The following ADGRL3 variants were observed in gnomAD, a reference collection of about 807,000 sequenced individuals.
ADGRL3 encodes the protein adhesion G protein-coupled receptor L3, also known as calcium-independent alpha-latrotoxin receptor 3.
In ADGRL3, 62 loss-of-function variants were observed where a neutral mutation model predicts 153.5. The ratio of observed to expected loss-of-function variants is 0.40; its 90% confidence interval spans 0.33 to 0.50. ADGRL3 has a LOEUF of 0.50. ADGRL3 is among the 20% of genes least tolerant of loss of function. The pLI is 0.47. For synonymous variants in ADGRL3, 710 were observed against 672.5 expected (o/e 1.06, Z -0.86); for missense variants, 1,641 against 1,859.4 (o/e 0.88, Z 2.16).
Position 61,201,343 on chromosome 4 carries a change from G to C in ADGRL3, c.-662G>C, listed in dbSNP as rs2148671513. 2 of 152,902 alleles carry C rather than the reference G, an allele frequency of 1.3e-5. No homozygotes were observed. Among genetic ancestry groups the C allele is most frequent in the African/African-American group, 4.8e-5 (2 of 41,566 alleles). The allele number at this position is 152,902 out of a possible 1,614,324, so 9.5% of individuals were successfully genotyped here. On this transcript the variant is annotated 5_prime_UTR_variant, in exon 1 of 27. Coordinates refer to ENST00000683033, the MANE Select transcript of ADGRL3 (RefSeq NM_001387552.1). ...TGCCGCATGTTAATAGCTGCCGCTG[G>C]GTCCCTCGGCTGCTGCTGGAGACAG...
intron 6 of ADGRL3, among the ~76,000 whole-genome samples, chr4:61,693,218 T>C (rs1199608333): frequency 6.6e-6 from 1 of 152,136 alleles, no homozygotes; most frequent in Non-Finnish European, 1.5e-5. Flanking sequence ...TGCTATTCTC[T>C]TATGCTTTAA....
At chr4:61,725,964 T>C (rs1414503403) in intron 6 of ADGRL3, among the ~76,000 whole-genome samples, 1 of 151,520 alleles carries the variant, frequency 6.6e-6, no homozygotes, top group Non-Finnish European at 1.5e-5. Flanking sequence ...TGTTAATACT[T>C]CAATAATTAA....
chr4:61,281,639 G>A (rs538699466), intron 1 of ADGRL3, among the ~76,000 whole-genome samples: 9 of 152,080 alleles, frequency 5.9e-5, no homozygotes, highest in Admixed American at 1.3e-4. Context: ...ATGCCTTATC[G>A]CCATGAAGCA....
At chr4:61,429,382 T>A (rs371249225) in intron 2 of ADGRL3, among the ~76,000 whole-genome samples, 97 of 152,284 alleles carry the variant, frequency 6.4e-4, no homozygotes, top group African/African-American at 2.2e-3. Context: ...GGTGAAAGAA[T>A]CAGTCATACC....
intron 1 of ADGRL3, among the ~76,000 whole-genome samples, chr4:61,300,949 G>A (rs1248727988): frequency 6.6e-6 from 1 of 151,964 alleles, no homozygotes; most frequent in Non-Finnish European, 1.5e-5. Flanking sequence ...ATTTTTAGTA[G>A]AGACGGGGTT....
At chr4:61,377,627 G>A (rs953795575) in intron 1 of ADGRL3, among the ~76,000 whole-genome samples, 2 of 151,968 alleles carry the variant, frequency 1.3e-5, no homozygotes, top group Non-Finnish European at 2.9e-5. Flanking sequence ...TAATCAGTGA[G>A]ATTTTAAATA....
At chr4:61,326,598 A>AGTGTGTGTGT (rs2095470785) in intron 1 of ADGRL3, among the ~76,000 whole-genome samples, 2 of 133,304 alleles carry the variant, frequency 1.5e-5, no homozygotes, top group Admixed American at 7.2e-5. Flanking sequence ...TATGCCAGAT[A>AGTGTGTGTGT]ATGTGTGTGT....
intron 1 of ADGRL3, among the ~76,000 whole-genome samples, chr4:61,273,629 T>A (rs997027236): frequency 6.6e-6 from 1 of 152,132 alleles, no homozygotes; most frequent in South Asian, 2.1e-4. Context: ...ACAGTAAAAT[T>A]TTTTTTACAC....
In ADGRL3 at chr4:61,887,975, A is replaced by G. The variant is rs376515398; in HGVS notation, c.1481-4681A>G. On this transcript the variant is annotated intron_variant, in intron 9 of 26. Coordinates refer to ENST00000683033, the MANE Select transcript of ADGRL3 (RefSeq NM_001387552.1). Reference sequence around the variant, plus strand: ...CGTAATAGCATTCAAAATAATGTTTATTCTTTTCAAGGCAGGCTGAAGGAA... The same window carrying G: ...CGTAATAGCATTCAAAATAATGTTTGTTCTTTTCAAGGCAGGCTGAAGGAA... Among the ~76,000 whole-genome samples the G allele has an allele frequency of 9.8e-5, 15 of 152,346 alleles. No homozygotes were observed. In the East Asian group the frequency reaches 1.3e-3, roughly 14 times the overall value.
intron 4 of ADGRL3, among the ~76,000 whole-genome samples, chr4:61,531,245 C>T (rs932477138): frequency 5.9e-5 from 9 of 152,206 alleles, no homozygotes; most frequent in South Asian, 2.1e-4. Flanking sequence ...AATAATTAGG[C>T]GCATTGCTAC....
intron 10 of ADGRL3, 98 bp from the exon 11 acceptor site, chr4:61,895,633 T>A (rs1267812509): frequency 1.6e-6 from 1 of 640,648 alleles, no homozygotes; most frequent in African/African-American, 1.9e-5. Context: ...TATATCAATT[T>A]AATTATCTCA....
At chr4:61,277,869 AATATTAGGAG>A (rs973780228) in intron 1 of ADGRL3, among the ~76,000 whole-genome samples, 10 of 152,322 alleles carry the variant, frequency 6.6e-5, no homozygotes, top group Admixed American at 2.0e-4. Context: ...TAGCAATGTA[AATATTAGGAG>A]TGGCCACTTA....
At chr4:61,611,341 A>G (rs1376605603) in intron 5 of ADGRL3, among the ~76,000 whole-genome samples, 1 of 152,146 alleles carries the variant, frequency 6.6e-6, no homozygotes, top group African/African-American at 2.4e-5. Flanking sequence ...ATACCTGATG[A>G]GAGTGTTGTG....
intron 6 of ADGRL3, chr4:61,677,514 T>C (rs544211577): frequency 2.6e-3 from 428 of 161,802 alleles, no homozygotes; most frequent in Middle Eastern, 8.5e-3. Context: ...GCCAACAACA[T>C]GTCTTTTCTT....
intron 25 of ADGRL3, among the ~76,000 whole-genome samples, chr4:62,049,931 G>A (rs528347206): frequency 1.3e-5 from 2 of 152,066 alleles, no homozygotes; most frequent in Non-Finnish European, 2.9e-5. Context: ...GCTTACAGCA[G>A]GGCCTGGAAC....
intron 6 of ADGRL3, among the ~76,000 whole-genome samples, chr4:61,694,342 A>T (rs2095602851): frequency 1.3e-5 from 2 of 151,594 alleles, no homozygotes. Context: ...TTTTAAATAT[A>T]GGCATACTTC....
At chr4:61,591,792 G>T in intron 5 of ADGRL3, among the ~76,000 whole-genome samples, 1 of 151,924 alleles carries the variant, frequency 6.6e-6, no homozygotes, top group Non-Finnish European at 1.5e-5. Context: ...GAGAGAGAGA[G>T]AAGGCCAGGT....
At chr4:61,610,141 A>ATATG (rs2099047525) in intron 5 of ADGRL3, among the ~76,000 whole-genome samples, 1 of 149,664 alleles carries the variant, frequency 6.7e-6, no homozygotes. Flanking sequence ...GAAGTGAGAT[A>ATATG]TATATATATA....
intron 2 of ADGRL3, among the ~76,000 whole-genome samples, chr4:61,462,740 A>T (rs1416602621): frequency 6.6e-6 from 1 of 152,200 alleles, no homozygotes; most frequent in African/African-American, 2.4e-5. Flanking sequence ...GGCCAAGTAT[A>T]TTGGGCAATC....
Sources: gnomAD v4.1 joint callset for allele counts (sites outside exome capture counted in the v4.1 genomes callset) on GRCh38, gnomAD v4.1.1 for gene constraint, MANE v1.5 for transcripts, NCBI Gene and HGNC (gene_info 2026-07-23, HGNC 2026-07-21) for gene names.